PTPRE: variants seen among roughly 807,000 people sequenced by gnomAD.
The protein encoded by PTPRE is receptor-type tyrosine-protein phosphatase epsilon.
A neutral mutation model predicts 102.0 loss-of-function variants in PTPRE; 51 were observed. The ratio of observed to expected loss-of-function variants is 0.50; its 90% CI spans 0.40 to 0.63. PTPRE has a LOEUF of 0.63. PTPRE is among the 30% of genes least tolerant of loss of function. The probability of loss-of-function intolerance (pLI) is 0.00; values close to 1 mark genes in which losing one functional copy is unlikely to be tolerated. For missense variants in PTPRE, 752 were observed against 915.1 expected (o/e 0.82, Z 2.30); for synonymous variants, 345 against 348.2 (o/e 0.99, Z 0.10).
Position 128,028,799 on chromosome 10 carries a change from C to T in PTPRE, c.-7-12076C>T, listed in dbSNP as rs2135729924. On this transcript the variant is annotated intron_variant, in intron 2 of 20. Coordinates refer to ENST00000254667, the MANE Select transcript of PTPRE (RefSeq NM_006504.6). This position sits in a 1 kb window ranked among gnomAD's most constrained non-coding sequence, Gnocchi z 4.5. ...GCTTGAGACCCTCTGGGATGCGACC[C>T]AGTCCCCACCCATGGCCACTCACTT... Among the ~76,000 whole-genome samples the T allele has an allele frequency of 6.6e-6, 1 of 152,282 alleles. No homozygotes were observed. The highest frequency in any genetic ancestry group is 6.5e-5 in the Admixed American group (1 of 15,302).
chr10:128,051,505 C>G (rs1010940318), intron 6 of PTPRE, among the ~76,000 whole-genome samples: 2 of 152,196 alleles, frequency 1.3e-5, no homozygotes, highest in Non-Finnish European at 2.9e-5. Context: ...TGCCCTGGGC[C>G]CTGATACATA....
Position 128,083,358 on chromosome 10 carries a change from CT to C in PTPRE, c.*453del, listed in dbSNP as rs1304856178. 1 of 153,506 alleles carries C rather than the reference CT, an allele frequency of 6.5e-6. No individual in the cohort carries two copies. The allele number at this position is 153,506 out of a possible 1,614,324, so 9.5% of individuals were successfully genotyped here. On this transcript the variant is annotated 3_prime_UTR_variant, in exon 21 of 21. Coordinates refer to ENST00000254667, the MANE Select transcript of PTPRE (RefSeq NM_006504.6). ...AACAGCAGCATTTTTGGAAGGCAAA[CT>C]GTTCGTGATGGTACAATGTAAATGG...
intron 3 of PTPRE, among the ~76,000 whole-genome samples, chr10:128,044,065 T>C (rs1231570035): frequency 2.0e-5 from 3 of 152,236 alleles, no homozygotes; most frequent in Non-Finnish European, 4.4e-5. Flanking sequence ...TATGGTCTAT[T>C]TATTTCCCAA....
In PTPRE at chr10:128,070,939, C is replaced by T. The variant is rs375409445; in HGVS notation, c.1387+38C>T. 9.6e-5 allele frequency: 152 copies of T among 1,576,944 alleles called. No homozygotes were observed. The highest frequency in any genetic ancestry group is 1.2e-4 in the Non-Finnish European group (136 of 1,147,642). ...TGGCGTGGCTTGGGCAGGGCTGGGG[C>T]GGGGCTGGTGCCGGAGGCTTTCATC... On this transcript the variant is annotated intron_variant, in intron 15 of 20. Transcript: ENST00000254667. The surrounding 1 kb of genome is among the most constrained non-coding windows in gnomAD (Gnocchi z 4.8).
At chr10:127,933,252 C>A (rs1474948141) in intron 1 of PTPRE, among the ~76,000 whole-genome samples, 1 of 152,126 alleles carries the variant, frequency 6.6e-6, no homozygotes, top group East Asian at 1.9e-4. Flanking sequence ...TGCCTACCAC[C>A]CCCTCCATAC....
At chr10:128,082,706 A>C in intron 20 of PTPRE, 126 bp from the exon 21 acceptor site, 1 of 1,122,828 alleles carries the variant, frequency 8.9e-7, no homozygotes, top group Non-Finnish European at 1.2e-6. Flanking sequence ...TACGATGTGC[A>C]TAAAGGTATA....
intron 12 of PTPRE, 110 bp downstream of exon 12, chr10:128,068,396 G>A: frequency 7.7e-7 from 1 of 1,306,128 alleles, no homozygotes; most frequent in Non-Finnish European, 1.0e-6. Context: ...AGAGGTTTGG[G>A]CAGGGCTGAT....
intron 2 of PTPRE, among the ~76,000 whole-genome samples, chr10:128,038,457 C>T (rs1387705690): frequency 6.6e-6 from 1 of 152,122 alleles, no homozygotes; most frequent in Non-Finnish European, 1.5e-5. Context: ...CACATATACA[C>T]CATGGAATAC....
chr10:128,030,453 C>A (rs1015873242), intron 2 of PTPRE, among the ~76,000 whole-genome samples: 3 of 152,136 alleles, frequency 2.0e-5, no homozygotes, highest in African/African-American at 7.2e-5. Context: ...CAGAGAGAGA[C>A]GTCGAACCAG....
intron 6 of PTPRE, among the ~76,000 whole-genome samples, 185 bp from the exon 7 acceptor site, chr10:128,055,938 C>T (rs921218611): frequency 1.7e-4 from 26 of 152,230 alleles, no homozygotes; most frequent in Non-Finnish European, 3.7e-4. Context: ...TGGGGAAAGC[C>T]AGGGTCTGTG....
chr10:127,933,825 G>C (rs1847618332), intron 1 of PTPRE, among the ~76,000 whole-genome samples: 1 of 152,104 alleles, frequency 6.6e-6, no homozygotes, highest in South Asian at 2.1e-4. Flanking sequence ...TAGAAGGTCT[G>C]GATTGAATTT....
intron 16 of PTPRE, 124 bp downstream of exon 16, chr10:128,072,338 T>C: frequency 1.1e-6 from 1 of 922,202 alleles, no homozygotes. Flanking sequence ...CAGCCATTTT[T>C]GTTAGCAGAA....
At chr10:127,989,000 A>C (rs953407239) in intron 2 of PTPRE, among the ~76,000 whole-genome samples, 1 of 152,206 alleles carries the variant, frequency 6.6e-6, no homozygotes, top group African/African-American at 2.4e-5. Context: ...CAAAAAAACG[A>C]AAACTGGATT....
At chr10:127,961,712 C>T (rs1276857078) in intron 1 of PTPRE, among the ~76,000 whole-genome samples, 3 of 152,200 alleles carry the variant, frequency 2.0e-5, no homozygotes, top group Non-Finnish European at 2.9e-5. Context: ...TTGTCTGTCC[C>T]TTCCTACCTG....
intron 2 of PTPRE, among the ~76,000 whole-genome samples, chr10:128,010,957 G>C (rs1844962739): frequency 6.6e-6 from 1 of 152,168 alleles, no homozygotes. Flanking sequence ...GAAGGTTCGT[G>C]TCCCAGGAGC....
chr10:128,067,541 TACATGTGCACACACATGCAC>T (rs1452951711), intron 11 of PTPRE, among the ~76,000 whole-genome samples: 4 of 151,386 alleles, frequency 2.6e-5, no homozygotes, highest in Non-Finnish European at 4.4e-5. Flanking sequence ...TACACATGCA[TACATGTGCACACACATGCAC>T]ACACATCTAC....
At chr10:128,017,143 TG>T (rs1394839411) in intron 2 of PTPRE, among the ~76,000 whole-genome samples, 1 of 151,708 alleles carries the variant, frequency 6.6e-6, no homozygotes, top group Non-Finnish European at 1.5e-5. Context: ...GCCAGGCTGA[TG>T]GCAGTGAAAA....
intron 7 of PTPRE, among the ~76,000 whole-genome samples, chr10:128,057,340 G>A (rs1849072434): frequency 6.6e-6 from 1 of 152,162 alleles, no homozygotes; most frequent in Non-Finnish European, 1.5e-5. Context: ...TCCTCAAAGG[G>A]CTCCACTAAG....
intron 2 of PTPRE, chr10:127,999,553 AC>A: frequency 1.0e-6 from 1 of 985,406 alleles, no homozygotes; most frequent in Non-Finnish European, 1.2e-6. Flanking sequence ...CCCAGCTGGG[AC>A]TGCTGACTGC....
Sources: allele counts gnomAD v4.1 joint callset (sites outside exome capture counted in the v4.1 genomes callset), GRCh38; gene constraint gnomAD v4.1.1; non-coding constraint Gnocchi (gnomAD v3.1); transcripts MANE v1.5; gene names NCBI Gene and HGNC (gene_info 2026-07-23, HGNC 2026-07-21).